Variants in CCSER1 observed in about 807,000 individuals in gnomAD.
CCSER1 encodes the protein coiled-coil serine rich protein 1, also known as serine-rich coiled-coil domain-containing protein 1.
A neutral mutation model predicts 82.0 loss-of-function variants in CCSER1; 41 were observed. The ratio of observed to expected loss-of-function variants is 0.50; its 90% CI spans 0.39 to 0.65. The LOEUF (loss-of-function observed/expected upper bound fraction) is 0.65. CCSER1 is among the 30% of genes least tolerant of loss of function. The pLI is 0.00. For missense variants in CCSER1, 1,119 were observed against 1,064.2 expected (o/e 1.05, Z -0.72); for synonymous variants, 414 against 383.9 (o/e 1.08, Z -0.92).
At chr4:91,090,401 T>G (rs1723825242) in intron 10 of CCSER1, among the ~76,000 whole-genome samples, 1 of 152,206 alleles carries the variant, frequency 6.6e-6, no homozygotes, top group Non-Finnish European at 1.5e-5. Flanking sequence ...TTTTGGAAAT[T>G]TACTGAATGG....
At chr4:91,338,823 C>T (rs1416193288) in intron 10 of CCSER1, among the ~76,000 whole-genome samples, 1 of 151,976 alleles carries the variant, frequency 6.6e-6, no homozygotes, top group South Asian at 2.1e-4. Context: ...CATAAAATTT[C>T]CTGGTGATGC....
chr4:90,170,567 A>G (rs908490942), intron 1 of CCSER1, among the ~76,000 whole-genome samples: 1 of 151,624 alleles, frequency 6.6e-6, no homozygotes, highest in Non-Finnish European at 1.5e-5. Context: ...GCTACTCTCT[A>G]TCTTCATGAG....
intron 4 of CCSER1, among the ~76,000 whole-genome samples, chr4:90,448,444 AATATATATATATATATATATATAT>A (rs70963067): frequency 5.0e-4 from 22 of 44,102 alleles, no homozygotes; most frequent in Middle Eastern, 0.12. Context: ...AGGTGAATTG[AATATATATATATATATATATATAT>A]ATATATATAT....
At chr4:91,504,871 A>C (rs998098340) in intron 10 of CCSER1, among the ~76,000 whole-genome samples, 2 of 152,156 alleles carry the variant, frequency 1.3e-5, no homozygotes, top group African/African-American at 2.4e-5. Context: ...TAGCATGCCC[A>C]TCTGATTTTT....
At chr4:90,982,488 T>G (rs892018366) in intron 9 of CCSER1, among the ~76,000 whole-genome samples, 1 of 151,746 alleles carries the variant, frequency 6.6e-6, no homozygotes, top group African/African-American at 2.4e-5. Flanking sequence ...TCACTTGTAA[T>G]TTGCAATTTT....
chr4:90,823,222 CACAT>C (rs967292317), intron 8 of CCSER1, among the ~76,000 whole-genome samples: 32 of 152,088 alleles, frequency 2.1e-4, no homozygotes, highest in Non-Finnish European at 3.7e-4. Context: ...TTCACACACA[CACAT>C]ACATACACAC....
At chr4:90,849,819 C>T (rs561681387) in intron 8 of CCSER1, among the ~76,000 whole-genome samples, 2 of 150,998 alleles carry the variant, frequency 1.3e-5, no homozygotes, top group South Asian at 4.2e-4. Flanking sequence ...AAAGAAAACC[C>T]ATTTTCTGAG....
At chr4:90,400,177 A>C (rs1316405173) in intron 4 of CCSER1, 48 bp downstream of exon 4, 2 of 1,030,122 alleles carry the variant, frequency 1.9e-6, no homozygotes, top group Non-Finnish European at 2.9e-6. Flanking sequence ...TACCCTGGTC[A>C]GTAGCTTTCA....
chr4:91,028,924 A>C (rs932392895), intron 9 of CCSER1, among the ~76,000 whole-genome samples: 1 of 83,776 alleles, frequency 1.2e-5, no homozygotes, highest in Non-Finnish European at 3.6e-5. Flanking sequence ...AAGCTTCAGC[A>C]AATAAAAAGT....
intron 9 of CCSER1, among the ~76,000 whole-genome samples, chr4:90,932,976 A>AAGAGAGAGAGAGAGAGAG (rs1491115193): frequency 5.2e-5 from 2 of 38,706 alleles, no homozygotes; most frequent in South Asian, 6.8e-4. Flanking sequence ...GAAAGAAAGA[A>AAGAGAGAGAGAGAGAGAG]AGAAAGAGAA....
At chr4:90,493,009 A>T (rs1003771131) in intron 5 of CCSER1, among the ~76,000 whole-genome samples, 1 of 152,180 alleles carries the variant, frequency 6.6e-6, no homozygotes, top group Non-Finnish European at 1.5e-5. Context: ...GAAGATAAAA[A>T]CCTTGAAAAA....
At chr4:91,222,320 G>C (rs1023057031) in intron 10 of CCSER1, among the ~76,000 whole-genome samples, 3 of 151,860 alleles carry the variant, frequency 2.0e-5, no homozygotes, top group African/African-American at 7.3e-5. Context: ...CCACCCTTGA[G>C]TTCTGTAAAA....
chr4:91,508,479 T>C (rs1384333316), intron 10 of CCSER1, among the ~76,000 whole-genome samples: 1 of 151,672 alleles, frequency 6.6e-6, no homozygotes, highest in Non-Finnish European at 1.5e-5. Flanking sequence ...TAATTGTTTC[T>C]ATATGCTGCT....
At chr4:90,370,843 C>G (rs1747275159) in intron 3 of CCSER1, among the ~76,000 whole-genome samples, 1 of 151,912 alleles carries the variant, frequency 6.6e-6, no homozygotes, top group South Asian at 2.1e-4. Context: ...TACTTATTTT[C>G]TTTTTCCTTT....
intron 1 of CCSER1, among the ~76,000 whole-genome samples, chr4:90,186,343 C>G (rs1032774388): frequency 6.6e-6 from 1 of 151,978 alleles, no homozygotes; most frequent in East Asian, 1.9e-4. Context: ...TGCAGGAAAT[C>G]AGTGGCACAG....
intron 5 of CCSER1, among the ~76,000 whole-genome samples, chr4:90,484,241 C>T (rs572954376): frequency 6.7e-4 from 102 of 152,188 alleles, no homozygotes; most frequent in Non-Finnish European, 1.1e-3. Context: ...TTAAGGACTT[C>T]TCTGTGTTTG....
chr4:90,221,474 T>C (rs1285868181), intron 1 of CCSER1, among the ~76,000 whole-genome samples: 1 of 152,148 alleles, frequency 6.6e-6, no homozygotes, highest in Non-Finnish European at 1.5e-5. Flanking sequence ...ACATAGGCAG[T>C]GCATTAGACA....
chr4:91,303,445 C>T (rs796157861), intron 10 of CCSER1, among the ~76,000 whole-genome samples: 12 of 152,056 alleles, frequency 7.9e-5, no homozygotes, highest in African/African-American at 2.9e-4. Context: ...AAATTATGAA[C>T]TTTAGTTACT....
intron 6 of CCSER1, among the ~76,000 whole-genome samples, chr4:90,695,198 A>G (rs1736795423): frequency 6.6e-6 from 1 of 151,718 alleles, no homozygotes; most frequent in South Asian, 2.1e-4. Flanking sequence ...AGTGCTTTGA[A>G]TAAAAGCCTC....
Sources: allele counts gnomAD v4.1 joint callset (sites outside exome capture counted in the v4.1 genomes callset), GRCh38; gene constraint gnomAD v4.1.1; transcripts MANE v1.5; gene names NCBI Gene and HGNC (gene_info 2026-07-23, HGNC 2026-07-21).